Variants in DST observed in about 807,000 individuals in gnomAD.
The protein encoded by DST is bullous pemphigoid antigen.
Under a neutral mutation model 875.2 loss-of-function variants are expected in DST, and 253 were observed. That is an observed-to-expected ratio of 0.29 (90% confidence interval 0.26 to 0.32). The LOEUF is 0.32. DST is among the 10% of genes least tolerant of loss of function. The pLI, the probability that DST is intolerant of heterozygous loss-of-function variation, is 1.00. For missense variants in DST, 8,287 were observed against 9,111.6 expected (o/e 0.91, Z 3.68); for synonymous variants, 3,124 against 3,197.1 (o/e 0.98, Z 0.77).
intron 4 of DST, among the ~76,000 whole-genome samples, chr6:56,777,831 G>T (rs757137300): frequency 4.0e-5 from 6 of 151,766 alleles, no homozygotes; most frequent in Admixed American, 2.0e-4. Flanking sequence ...CAAGTACCTG[G>T]ACTACAGGCA....
chr6:56,944,383 G>A (rs538157998), intron 2 of DST, among the ~76,000 whole-genome samples: 1 of 151,650 alleles, frequency 6.6e-6, no homozygotes, highest in South Asian at 2.1e-4. Context: ...TTGTTACTAC[G>A]AGGCGGGAGT....
intron 4 of DST, among the ~76,000 whole-genome samples, chr6:56,829,031 C>T (rs1028468203): frequency 6.6e-6 from 1 of 152,150 alleles, no homozygotes; most frequent in African/African-American, 2.4e-5. Context: ...GTTTAAAAAT[C>T]TTGGAGAAAG....
intron 9 of DST, among the ~76,000 whole-genome samples, chr6:56,693,892 T>C (rs2099247772): frequency 6.6e-6 from 1 of 151,936 alleles, no homozygotes; most frequent in Admixed American, 6.6e-5. Context: ...AATCAATCTT[T>C]TAAAATAGTT....
At chr6:56,460,819 C>T (rs1024338019) in intron 102 of DST, 1 of 152,168 alleles carries the variant, frequency 6.6e-6, no homozygotes, top group African/African-American at 2.4e-5. Context: ...GCTACCACAT[C>T]ACTTCACTTC....
At chr6:56,560,589 C>T in intron 57 of DST, 166 bp from the exon 58 acceptor site, 1 of 631,966 alleles carries the variant, frequency 1.6e-6, no homozygotes, top group Admixed American at 3.0e-5. Flanking sequence ...CTTTCCTCTT[C>T]TTAGCTAGTG....
chr6:56,605,313 C>A lies in DST; in HGVS notation c.9315G>T (p.Gln3105His), dbSNP rs777369314. The A allele has an allele frequency of 3.0e-5, 48 of 1,611,804 alleles. No individual in the cohort carries two copies. Among genetic ancestry groups the A allele is most frequent in the Non-Finnish European group, 4.1e-5 (48 of 1,178,990 alleles). ...CAGTTGCTTTTTTAAGGCTTCCTTTCTGATTAAGTTCTTCATTGTTTGTGA... is the reference window on the plus strand; with the variant it reads ...CAGTTGCTTTTTTAAGGCTTCCTTTATGATTAAGTTCTTCATTGTTTGTGA... ...PQITNNEELN[Q>H]KGSLKKATVT... The change falls in exon 40 of 104, where the codon CAG becomes CAT. Residue 3105 changes from glutamine (Q) to histidine (H), a missense_variant. By Grantham distance (24) the Gln-to-His change is conservative. Transcript: ENST00000680361.
At chr6:56,695,315 A>G (rs929244837) in intron 9 of DST, among the ~76,000 whole-genome samples, 4 of 152,074 alleles carry the variant, frequency 2.6e-5, no homozygotes, top group African/African-American at 9.7e-5. Context: ...TACAGCCTGC[A>G]GAACCATGAT....
chr6:56,752,873 C>T (rs936350913), intron 4 of DST, among the ~76,000 whole-genome samples: 1 of 152,062 alleles, frequency 6.6e-6, no homozygotes, highest in Non-Finnish European at 1.5e-5. Flanking sequence ...CTCACCGCAA[C>T]CTCTGCCTCC....
rs2099767229 is a variant in DST, at chr6:56,816,915, T to C, written c.625+34482A>G. On this transcript the variant is annotated intron_variant, in intron 4 of 103. Coordinates refer to ENST00000680361, the MANE Select transcript of DST (RefSeq NM_001374736.1). Reference sequence around the variant, plus strand: ...ATGTTCATATTTATGTTTAAAATTCTCTCCTGAAGATCTTTATAGTCTCTG... The same window carrying C: ...ATGTTCATATTTATGTTTAAAATTCCCTCCTGAAGATCTTTATAGTCTCTG... 2.0e-5 allele frequency among the ~76,000 whole-genome samples: 3 copies of C among 152,016 alleles called. 1 individual carries two copies. The highest frequency in any genetic ancestry group is 4.2e-4 in the South Asian group (2 of 4,818).
At chr6:56,724,479 G>A (rs1287324700) in intron 5 of DST, among the ~76,000 whole-genome samples, 1 of 152,206 alleles carries the variant, frequency 6.6e-6, no homozygotes, top group Non-Finnish European at 1.5e-5. Context: ...TAATGCTCTT[G>A]TAGAAAACCT....
At chr6:56,727,271 T>C (rs2099465504) in intron 5 of DST, among the ~76,000 whole-genome samples, 1 of 152,198 alleles carries the variant, frequency 6.6e-6, no homozygotes, top group Admixed American at 6.5e-5. Context: ...CTTACACATA[T>C]TGATCTATGT....
At chr6:56,681,131 A>G (rs2099155299) in intron 9 of DST, among the ~76,000 whole-genome samples, 1 of 152,154 alleles carries the variant, frequency 6.6e-6, no homozygotes, top group Non-Finnish European at 1.5e-5. Context: ...CAATGTATTG[A>G]GAACTTAATT....
At chr6:56,826,450 A>T (rs1011185519) in intron 4 of DST, among the ~76,000 whole-genome samples, 3 of 152,170 alleles carry the variant, frequency 2.0e-5, no homozygotes, top group African/African-American at 7.2e-5. Context: ...AGAAGTAATA[A>T]ATATGTTTTA....
rs1212972324 is a variant in DST at position 56,605,589 on chromosome 6, A to G, written c.9039T>C (p.His3013=). The G allele has an allele frequency of 2.5e-6, 4 of 1,613,042 alleles. No individual in the cohort carries two copies. The highest frequency in any genetic ancestry group is 1.6e-4 in the Middle Eastern group (1 of 6,078). ...DLIGKPAEES[H]LSLIASVTDK... is the part of the protein sequence containing the mutation. ...CAGTTACAGAGGCTATCAATGACAA[A>G]TGGCTTTCCTCAGCAGGTTTTCCTA... is the stretch of plus-strand genomic sequence containing the variant. The change falls in exon 40 of 104, where the codon CAT becomes CAC. Residue 3013 remains histidine, a synonymous_variant. Transcript: ENST00000680361.
chr6:56,487,099 T>C lies in DST; in HGVS notation c.21047+5A>G. 1 of 1,613,596 alleles carries C rather than the reference T, an allele frequency of 6.2e-7. No homozygotes were observed. The highest frequency in any genetic ancestry group is 1.1e-5 in the South Asian group (1 of 91,026). On this transcript the variant is annotated splice_donor_5th_base_variant and intron_variant, in intron 87 of 103. Transcript: ENST00000680361. ...GTAACCAAACTGTCTTAAAGAACAT[T>C]TTACCTTTCCACAGATTTTCCACAT...
chr6:56,888,225 GAC>G (rs1785579561), intron 3 of DST, among the ~76,000 whole-genome samples: 9 of 152,018 alleles, frequency 5.9e-5, no homozygotes, highest in South Asian at 2.1e-4. Context: ...TGGGATTACA[GAC>G]GTGAACCACC....
chr6:56,469,355 GAA>G (rs557927558), intron 97 of DST, among the ~76,000 whole-genome samples: 1 of 142,406 alleles, frequency 7.0e-6, no homozygotes, highest in African/African-American at 2.6e-5. Context: ...TTCCAAAAGA[GAA>G]AAAAAAAAAT....
rs553531536 is a variant in DST, at chr6:56,608,960, G to C, written c.5668C>G (p.Gln1890Glu). The C allele has an allele frequency of 2.9e-5, 46 of 1,613,834 alleles. No individual in the cohort carries two copies. In the African/African-American group the frequency reaches 6.1e-4, roughly 22 times the overall value. ...GSLVIPATGE[Q>E]LTLQKAFQQN... ...TGGAAAGCCTTCTGTAGGGTCAACT[G>C]TTCTCCTGTGGCTGGAATAACCAGA... is the stretch of plus-strand genomic sequence containing the variant. The change falls in exon 40 of 104, where the codon CAG becomes GAG. Residue 1890 changes from glutamine to glutamate, a missense_variant. Transcript: ENST00000680361.
intron 5 of DST, among the ~76,000 whole-genome samples, chr6:56,723,275 G>A (rs1375318533): frequency 1.3e-5 from 2 of 152,140 alleles, no homozygotes; most frequent in African/African-American, 2.4e-5. Context: ...TATAAGAAGG[G>A]CTGTGAGGGC....
Sources: allele counts gnomAD v4.1 joint callset (sites outside exome capture counted in the v4.1 genomes callset), GRCh38; gene constraint gnomAD v4.1.1; transcripts MANE v1.5; gene names NCBI Gene and HGNC (gene_info 2026-07-23, HGNC 2026-07-21).